The following DVL1 variants were observed in gnomAD, a reference collection of about 807,000 sequenced individuals.
DVL1 encodes dishevelled segment polarity protein 1, also known as segment polarity protein dishevelled homolog DVL-1.
Under a neutral mutation model 65.0 loss-of-function variants are expected in DVL1, and 49 were observed. The ratio of observed to expected loss-of-function variants is 0.75; its 90% confidence interval spans 0.60 to 0.96. The LOEUF (loss-of-function observed/expected upper bound fraction) is 0.96. DVL1 is among the 40% of genes least tolerant of loss of function. DVL1 has a pLI of 0.00. For missense variants in DVL1, 1,197 were observed against 1,045.4 expected (o/e 1.15, Z -2.00); for synonymous variants, 608 against 433.9 (o/e 1.40, Z -4.99).
intron 1 of DVL1, among the ~76,000 whole-genome samples, chr1:1,345,590 AG>A (rs1643903859): frequency 6.6e-6 from 1 of 152,052 alleles, no homozygotes; most frequent in African/African-American, 2.4e-5. Flanking sequence ...ATTCCCTGTG[AG>A]GCCTGGCTAA....
In DVL1 at chr1:1,340,254, G is replaced by C. The variant is rs767645873; in HGVS notation, c.762C>G (p.Leu254=). The change falls in exon 7 of 15, where the codon CTC becomes CTG. Residue 254 remains leucine, a synonymous_variant. Transcript: ENST00000378888. ...CTCGCCCCGAGGCCTCACCCATGTTGAGCGTGACAGTGACGATGTTGAGGG... is the reference window on the plus strand; with the variant it reads ...CTCGCCCCGAGGCCTCACCCATGTTCAGCGTGACAGTGACGATGTTGAGGG... The part of the protein sequence containing the change: ...TMSLNIVTVT[L]NMERHHFLGI... 3 of 1,614,018 alleles carry C rather than the reference G, an allele frequency of 1.9e-6. No individual in the cohort carries two copies. Among genetic ancestry groups the C allele is most frequent in the South Asian group, 2.2e-5 (2 of 91,090 alleles).
At position 1,336,692 on chromosome 1, in the gene DVL1, G is replaced by T. The variant is rs151070368; in HGVS notation, c.1715-177C>A. ...CACCCCCAGGGTCGCAGGGGCAGCT[G>T]CGGCAGGCATGGGCTGGTGGGGGCA... On this transcript the variant is annotated intron_variant, in intron 14 of 14. Coordinates refer to ENST00000378888, the MANE Select transcript of DVL1 (RefSeq NM_001330311.2). Among the ~76,000 whole-genome samples the T allele has an allele frequency of 0.01, 1,533 of 152,336 alleles. 9 individuals are homozygous for T. The highest frequency in any genetic ancestry group is 0.014 in the Non-Finnish European group (933 of 68,022).
chr1:1,336,041 C>A lies in DVL1; in HGVS notation c.*101G>T. The stretch of plus-strand genomic sequence containing the variant: ...GTGGTCCAGCCTGCCCCCCACCCTG[C>A]CTCCCGTCCTGGCCCCCACGAAGGC... On this transcript the variant is annotated 3_prime_UTR_variant, in exon 15 of 15. Coordinates refer to ENST00000378888, the MANE Select transcript of DVL1 (RefSeq NM_001330311.2). 6.9e-7 allele frequency: 1 copy of A among 1,454,090 alleles called. No homozygotes were observed. The highest frequency in any genetic ancestry group is 9.2e-7 in the Non-Finnish European group (1 of 1,089,732). The allele number at this position is 1,454,090 out of a possible 1,614,324, so 90.1% of individuals were successfully genotyped here.
chr1:1,347,804 G>A (rs905520659), intron 1 of DVL1, among the ~76,000 whole-genome samples: 4 of 152,038 alleles, frequency 2.6e-5, no homozygotes, highest in Non-Finnish European at 5.9e-5. Context: ...AGTGGGGAGC[G>A]CCCAGCCTTC....
At position 1,341,690 on chromosome 1, in the gene DVL1, C is replaced by T. The variant is rs754779105; in HGVS notation, c.582G>A (p.Ser194=). 35 of 1,608,900 alleles carry T rather than the reference C, an allele frequency of 2.2e-5. No homozygotes were observed. The highest frequency in any genetic ancestry group is 1.6e-4 in the Middle Eastern group (1 of 6,068). ...ACCTGCTCGTGCTGCCATCCTCGTCCGAGTCCACAAAGCTGCTGGACTCAA... is the reference window on the plus strand; with the variant it reads ...ACCTGCTCGTGCTGCCATCCTCGTCTGAGTCCACAAAGCTGCTGGACTCAA... The part of the protein sequence containing the change: ...SELESSSFVD[S]DEDGSTSRLS... The change falls in exon 5 of 15, where the codon TCG becomes TCA. Residue 194 remains serine, a synonymous_variant. Transcript: ENST00000378888.
chr1:1,341,387 TCA>T (rs944229767), intron 5 of DVL1, among the ~76,000 whole-genome samples: 3 of 151,790 alleles, frequency 2.0e-5, no homozygotes, highest in African/African-American at 7.3e-5. Context: ...TGAAAACGCC[TCA>T]CACAGACACA....
intron 1 of DVL1, among the ~76,000 whole-genome samples, chr1:1,343,566 C>T (rs1643878561): frequency 1.3e-5 from 2 of 152,268 alleles, no homozygotes; most frequent in Non-Finnish European, 2.9e-5. Flanking sequence ...CCCTACTCCA[C>T]CCTCCTGGCG....
At chr1:1,336,668 AC>A (rs1643587981) in intron 14 of DVL1, 153 bp from the exon 15 acceptor site, 2 of 695,896 alleles carry the variant, frequency 2.9e-6, no homozygotes, top group Non-Finnish European at 3.5e-6. Context: ...CAGGGCCGGC[AC>A]CCCCAGGGTC....
At chr1:1,340,692 A>G (rs1312088200) in intron 5 of DVL1, among the ~76,000 whole-genome samples, 189 bp from the exon 6 acceptor site, 1 of 150,532 alleles carries the variant, frequency 6.6e-6, no homozygotes, top group African/African-American at 2.4e-5. Context: ...AAAATCCCAG[A>G]GACAGGCAAA....
Position 1,341,645 on chromosome 1 carries a change from G to A in DVL1, c.605+22C>T, listed in dbSNP as rs373557273. ...TGCAAGTGGGCACACAGGCATACAC[G>A]CCCACAGACACTCCCACACACCTGC... is the stretch of plus-strand genomic sequence containing the variant. On this transcript the variant is annotated intron_variant, in intron 5 of 14. Transcript: ENST00000378888. The A allele has an allele frequency of 4.5e-5, 71 of 1,582,164 alleles. No individual in the cohort carries two copies. The East Asian group carries it at 5.9e-4, about 13-fold the overall frequency.
At position 1,338,286 on chromosome 1, in the gene DVL1, A is replaced by C; in HGVS notation, c.1490T>G (p.Phe497Cys). 7.4e-7 allele frequency: 1 copy of C among 1,351,162 alleles called. No individual in the cohort carries two copies. Among genetic ancestry groups the C allele is most frequent in the South Asian group, 1.1e-5 (1 of 87,618 alleles). The allele number at this position is 1,351,162 out of a possible 1,614,324, so 83.7% of individuals were successfully genotyped here. ...ITFSEQCYYV[F>C]GDLCSNLATL... is the part of the protein sequence containing the mutation. ...CCACTCACTGCTGCAGAGATCCCCG[A>C]AGACGTAGTAGCACTGCTCGGAGAA... is the stretch of plus-strand genomic sequence containing the variant. Residue 497 changes from phenylalanine to cysteine, a missense_variant, in exon 13 of 15, where the codon TTC becomes TGC. Transcript: ENST00000378888.
chr1:1,337,828 A>G, intron 14 of DVL1, 149 bp downstream of exon 14: 1 of 743,352 alleles, frequency 1.3e-6, no homozygotes, highest in Non-Finnish European at 2.4e-6. Flanking sequence ...TGGGGTCAGC[A>G]GAGAAGCAGG....
intron 14 of DVL1, 44 bp downstream of exon 14, chr1:1,337,933 T>C (rs768600968): frequency 1.3e-6 from 2 of 1,514,566 alleles, no homozygotes; most frequent in East Asian, 2.3e-5. Flanking sequence ...GGGGCGGAGC[T>C]GGGGGCGGAG....
At chr1:1,341,559 C>A (rs376494450) in intron 5 of DVL1, 108 bp downstream of exon 5, 4 of 1,368,412 alleles carry the variant, frequency 2.9e-6, no homozygotes, top group Non-Finnish European at 3.9e-6. Flanking sequence ...TGCACACACA[C>A]GCACACACGT....
intron 9 of DVL1, 39 bp downstream of exon 9, chr1:1,339,697 C>A: frequency 6.2e-7 from 1 of 1,612,784 alleles, no homozygotes; most frequent in Non-Finnish European, 8.5e-7. Flanking sequence ...TCCCACCTCC[C>A]TGCCTGGCCC....
intron 1 of DVL1, 137 bp from the exon 2 acceptor site, chr1:1,342,895 T>C (rs1298208662): frequency 1.3e-6 from 1 of 783,960 alleles, no homozygotes; most frequent in Non-Finnish European, 2.0e-6. Context: ...CATTCTCCTC[T>C]TGGGAACCGT....
intron 3 of DVL1, 67 bp from the exon 4 acceptor site, chr1:1,342,223 G>A: frequency 6.7e-7 from 1 of 1,502,234 alleles, no homozygotes. Flanking sequence ...GCCCAGCCCA[G>A]CCTCCCCTCG....
Position 1,342,437 on chromosome 1 carries a change from C to G in DVL1, c.288G>C (p.Thr96=). ...GCGGGGGCAGGTCTGTGTGGCTGTC[C>G]GTGCCCTGGGACCCCGCATCCGAGT... The part of the protein sequence containing the change: ...GAHSDAGSQG[T]DSHTDLPPPL... Residue 96 remains threonine (T), a synonymous_variant, in exon 3 of 15, where the codon ACG becomes ACC. Coordinates refer to ENST00000378888, the MANE Select transcript of DVL1 (RefSeq NM_001330311.2). 6.2e-7 allele frequency: 1 copy of G among 1,602,554 alleles called. No homozygotes were observed. The highest frequency in any genetic ancestry group is 2.2e-5 in the East Asian group (1 of 44,526).
rs749590844 is a variant in DVL1, at chr1:1,340,053, G to A, written c.894C>T (p.Gly298=). The A allele has an allele frequency of 1.3e-5, 21 of 1,612,310 alleles. No individual in the cohort carries two copies. The highest frequency in any genetic ancestry group is 1.2e-4 in the South Asian group (11 of 91,048). The change falls in exon 8 of 15, where the codon GGC becomes GGT. Residue 298 remains glycine (G), a synonymous_variant. Transcript: ENST00000378888. The stretch of plus-strand genomic sequence containing the variant: ...ACAGACACACCTGCAGCAACATGTC[G>A]CCGGGCTCGATGCGGCCGTCAGCGG... The part of the protein sequence containing the change: ...AVAADGRIEP[G]DMLLQVNDVN...
Sources: allele counts gnomAD v4.1 joint callset (sites outside exome capture counted in the v4.1 genomes callset), GRCh38; gene constraint gnomAD v4.1.1; transcripts MANE v1.5; gene names NCBI Gene and HGNC (gene_info 2026-07-23, HGNC 2026-07-21).